The following CDK5 variants were observed in gnomAD, a reference collection of about 807,000 sequenced individuals.
CDK5 encodes cyclin dependent kinase 5, also known as cyclin-dependent kinase 5.
In CDK5, 18 loss-of-function variants were observed where a neutral mutation model predicts 44.6. The observed-to-expected ratio is 0.40, with a 90% CI of 0.28 to 0.60. The LOEUF is 0.60. CDK5 is among the 20% of genes least tolerant of loss of function. CDK5 has a pLI of 0.38. For synonymous variants in CDK5, 143 were observed against 152.8 expected (o/e 0.94, Z 0.47); for missense variants, 198 against 368.1 (o/e 0.54, Z 3.78).
Position 151,054,802 on chromosome 7 carries a change from C to A in CDK5, c.650+225G>T, listed in dbSNP as rs1295358002. Among the ~76,000 whole-genome samples, 1 of 152,170 alleles carries A rather than the reference C, an allele frequency of 6.6e-6. No individual in the cohort carries two copies. The highest frequency in any genetic ancestry group is 1.5e-5 in the Non-Finnish European group (1 of 68,022). ...CTGGAGGGACACCCTCTCGGCTTCA[C>A]CCCTCAGGGCACGCTGCCTGTCTCC... is the stretch of plus-strand genomic sequence containing the variant. On this transcript the variant is annotated intron_variant, in intron 9 of 11. Transcript: ENST00000485972. This position sits in a 1 kb window ranked among gnomAD's most constrained non-coding sequence, Gnocchi z 5.7.
At position 151,057,536 on chromosome 7, in the gene CDK5, A is replaced by G; in HGVS notation, c.37+276T>C. The G allele has an allele frequency of 1.7e-6, 1 of 602,056 alleles. No individual in the cohort carries two copies. The highest frequency in any genetic ancestry group is 2.9e-6 in the Non-Finnish European group (1 of 338,994). The allele number at this position is 602,056 out of a possible 1,614,324, so 37.3% of individuals were successfully genotyped here. The stretch of plus-strand genomic sequence containing the variant: ...CTGGGGGTCGGGGTGAGGTTGTCCA[A>G]GTGCTGCTGAGGCTGGGGTGAGAAA... On this transcript the variant is annotated intron_variant, in intron 1 of 11. Transcript: ENST00000485972. This position sits in a 1 kb window ranked among gnomAD's most constrained non-coding sequence, Gnocchi z 5.2.
In CDK5 at chr7:151,056,024, A is replaced by G. The variant is rs531995682; in HGVS notation, c.313-176T>C. ...GGACCTGCTTTATACTGTGCTAGGC[A>G]TTAGAGGGACCAAAGTAAAGAAGCT... is the stretch of plus-strand genomic sequence containing the variant. On this transcript the variant is annotated intron_variant, in intron 5 of 11. Coordinates refer to ENST00000485972, the MANE Select transcript of CDK5 (RefSeq NM_004935.4). The surrounding 1 kb of genome is among the most constrained non-coding windows in gnomAD (Gnocchi z 4.7). 1.5e-5 allele frequency: 9 copies of G among 598,380 alleles called. No individual in the cohort carries two copies. The highest frequency in any genetic ancestry group is 4.1e-4 in the Middle Eastern group (1 of 2,428). 37.1% of individuals were successfully genotyped at this position (598,380 alleles called of 1,614,324 possible).
chr7:151,055,498 C>T (rs768440599), intron 7 of CDK5, 34 bp downstream of exon 7: 1 of 1,593,994 alleles, frequency 6.3e-7, no homozygotes, highest in South Asian at 1.1e-5. Flanking sequence ...GAGGGACTCC[C>T]TCCCCCAATC....
rs746360978 is a variant in CDK5 at position 151,057,028 on chromosome 7, C to T, written c.126+44G>A. The T allele has an allele frequency of 7.8e-5, 125 of 1,610,692 alleles. No homozygotes were observed. The South Asian group carries it at 1.3e-3, about 17-fold the overall frequency. On this transcript the variant is annotated intron_variant, in intron 2 of 11. Coordinates refer to ENST00000485972, the MANE Select transcript of CDK5 (RefSeq NM_004935.4). The surrounding 1 kb of genome is among the most constrained non-coding windows in gnomAD (Gnocchi z 5.2). ...GCAGTCAGATCCCACCCAGCCCAGGCCCTCAAACCCCTCCCCAGGCCGTAT... is the reference window on the plus strand; with the variant it reads ...GCAGTCAGATCCCACCCAGCCCAGGTCCTCAAACCCCTCCCCAGGCCGTAT...
chr7:151,056,569 A>T lies in CDK5; in HGVS notation c.312+11T>A. 6.2e-7 allele frequency: 1 copy of T among 1,608,540 alleles called. No homozygotes were observed. The highest frequency in any genetic ancestry group is 8.5e-7 in the Non-Finnish European group (1 of 1,177,268). On this transcript the variant is annotated intron_variant, in intron 5 of 11. Transcript: ENST00000485972. This position sits in a 1 kb window ranked among gnomAD's most constrained non-coding sequence, Gnocchi z 4.7. ...CCAGCCTGAGGGGTCCCCCAACACC[A>T]CTCTCCTCACCTTTACAATCTCAGG...
Position 151,054,585 on chromosome 7 carries a change from T to A in CDK5, c.651-120A>T. The A allele has an allele frequency of 3.2e-6, 3 of 937,400 alleles. No individual in the cohort carries two copies. Among genetic ancestry groups the A allele is most frequent in the Non-Finnish European group, 4.8e-6 (3 of 627,228 alleles). The allele number at this position is 937,400 out of a possible 1,614,324, so 58.1% of individuals were successfully genotyped here. On this transcript the variant is annotated intron_variant, in intron 9 of 11. Coordinates refer to ENST00000485972, the MANE Select transcript of CDK5 (RefSeq NM_004935.4). This position sits in a 1 kb window ranked among gnomAD's most constrained non-coding sequence, Gnocchi z 5.7. ...CATACCCACCGCCCACTTCTCACCC[T>A]CCCTTTACCCTCCGGCTTGAGCTTG...
Position 151,056,516 on chromosome 7 carries a change from G to A in CDK5, c.312+64C>T, listed in dbSNP as rs1408643648. ...AGGGCCCAAACTTAGAGCCCAAGGG[G>A]TGCTTACACCGAATGCAGACTCCGA... On this transcript the variant is annotated intron_variant, in intron 5 of 11. Coordinates refer to ENST00000485972, the MANE Select transcript of CDK5 (RefSeq NM_004935.4). This position sits in a 1 kb window ranked among gnomAD's most constrained non-coding sequence, Gnocchi z 4.7. 3.4e-6 allele frequency: 5 copies of A among 1,451,712 alleles called. No homozygotes were observed. The allele number at this position is 1,451,712 out of a possible 1,614,324, so 89.9% of individuals were successfully genotyped here.
At position 151,055,529 on chromosome 7, in the gene CDK5, C is replaced by T; in HGVS notation, c.483+3G>A. On this transcript the variant is annotated splice_donor_region_variant and intron_variant, in intron 7 of 11. Coordinates refer to ENST00000485972, the MANE Select transcript of CDK5 (RefSeq NM_004935.4). ...CAATCCCATATCCCATCTTCTAGCTCACCTCAGCTGAGTAACAGCGGACGG... is the reference window on the plus strand; with the variant it reads ...CAATCCCATATCCCATCTTCTAGCTTACCTCAGCTGAGTAACAGCGGACGG... The T allele has an allele frequency of 6.2e-7, 1 of 1,613,530 alleles. No homozygotes were observed. The highest frequency in any genetic ancestry group is 8.5e-7 in the Non-Finnish European group (1 of 1,179,632).
chr7:151,056,231 C>G lies in CDK5; in HGVS notation c.312+349G>C, dbSNP rs984552186. On this transcript the variant is annotated intron_variant, in intron 5 of 11. Coordinates refer to ENST00000485972, the MANE Select transcript of CDK5 (RefSeq NM_004935.4). The surrounding 1 kb of genome is among the most constrained non-coding windows in gnomAD (Gnocchi z 4.7). Reference sequence around the variant, plus strand: ...TCATTCAGGACTGGCTCCCCTGGAACCTGGACCAAGGCATTTGGTCTTGGG... The same window carrying G: ...TCATTCAGGACTGGCTCCCCTGGAAGCTGGACCAAGGCATTTGGTCTTGGG... 14 of 520,158 alleles carry G rather than the reference C, an allele frequency of 2.7e-5. No individual in the cohort carries two copies. Among genetic ancestry groups the G allele is most frequent in the African/African-American group, 2.7e-4 (14 of 52,602 alleles). The allele number at this position is 520,158 out of a possible 1,614,324, so 32.2% of individuals were successfully genotyped here. A position where few individuals can be genotyped will look rare whatever the true frequency, so the allele number is the denominator to read the frequency against.
In CDK5 at chr7:151,057,012, TCC is replaced by T; in HGVS notation, c.127-39_127-38del. 6.2e-7 allele frequency: 1 copy of T among 1,613,170 alleles called. No homozygotes were observed. Among genetic ancestry groups the T allele is most frequent in the Non-Finnish European group, 8.5e-7 (1 of 1,179,374 alleles). On this transcript the variant is annotated intron_variant, in intron 2 of 11. Coordinates refer to ENST00000485972, the MANE Select transcript of CDK5 (RefSeq NM_004935.4). This position sits in a 1 kb window ranked among gnomAD's most constrained non-coding sequence, Gnocchi z 5.2. ...AGGGGGCCGGTGGGCAGCAGTCAGA[TCC>T]CACCCAGCCCAGGCCCTCAAACCCC...
chr7:151,056,434 C>G lies in CDK5; in HGVS notation c.312+146G>C. 2.9e-6 allele frequency: 2 copies of G among 695,752 alleles called. No individual in the cohort carries two copies. Among genetic ancestry groups the G allele is most frequent in the South Asian group, 3.4e-5 (2 of 59,282 alleles). 43.1% of individuals were successfully genotyped at this position (695,752 alleles called of 1,614,324 possible). Reference sequence around the variant, plus strand: ...AAAATGCTCACTAAGACTGGAGACCCCTGGAGGACAGAAACAGGGTTTTCT... The same window carrying G: ...AAAATGCTCACTAAGACTGGAGACCGCTGGAGGACAGAAACAGGGTTTTCT... On this transcript the variant is annotated intron_variant, in intron 5 of 11. Transcript: ENST00000485972. This position sits in a 1 kb window ranked among gnomAD's most constrained non-coding sequence, Gnocchi z 4.7.
In CDK5 at chr7:151,056,165, A is replaced by G; in HGVS notation, c.313-317T>C. On this transcript the variant is annotated intron_variant, in intron 5 of 11. Transcript: ENST00000485972. The surrounding 1 kb of genome is among the most constrained non-coding windows in gnomAD (Gnocchi z 4.7). ...CTTCCCTTCCTGGCCGCATCTGAGTATGCACGCCGTGAACATCAACATAAA... is the reference window on the plus strand; with the variant it reads ...CTTCCCTTCCTGGCCGCATCTGAGTGTGCACGCCGTGAACATCAACATAAA... The G allele has an allele frequency of 3.9e-6, 2 of 515,804 alleles. No homozygotes were observed. The highest frequency in any genetic ancestry group is 3.2e-5 in the East Asian group (1 of 31,642). 32.0% of individuals were successfully genotyped at this position (515,804 alleles called of 1,614,324 possible).
In CDK5 at chr7:151,054,074, C is replaced by G; in HGVS notation, c.814G>C (p.Val272Leu). Residue 272 changes from valine (V) to leucine (L), a missense_variant, in exon 12 of 12, where the codon GTC becomes CTC. Physicochemically the swap from Val to Leu is conservative, Grantham distance 32. Transcript: ENST00000485972. This position sits in a 1 kb window ranked among gnomAD's most constrained non-coding sequence, Gnocchi z 5.7. ...GCCTCTTCTGCTGAGATACGCTGGA[C>G]AGGGTTACACTTCAGAAGGTTCTGG... is the stretch of plus-strand genomic sequence containing the variant. The part of the protein sequence containing the change: ...LLQNLLKCNP[V>L]QRISAEEALQ... 6.2e-7 allele frequency: 1 copy of G among 1,601,990 alleles called. No homozygotes were observed. Among genetic ancestry groups the G allele is most frequent in the East Asian group, 2.3e-5 (1 of 44,358 alleles).
Position 151,054,637 on chromosome 7 carries a change from C to A in CDK5, c.651-172G>T, listed in dbSNP as rs2069458. Among the ~76,000 whole-genome samples the A allele has an allele frequency of 1.3e-5, 2 of 152,162 alleles. No homozygotes were observed. The highest frequency in any genetic ancestry group is 4.8e-5 in the African/African-American group (2 of 41,420). On this transcript the variant is annotated intron_variant, in intron 9 of 11. Coordinates refer to ENST00000485972, the MANE Select transcript of CDK5 (RefSeq NM_004935.4). This position sits in a 1 kb window ranked among gnomAD's most constrained non-coding sequence, Gnocchi z 5.7. ...CAGAAGCAGCCCCAGGCAGGTCACTCGCATATCCAGCCACGTTTCCCATGA... is the reference window on the plus strand; with the variant it reads ...CAGAAGCAGCCCCAGGCAGGTCACTAGCATATCCAGCCACGTTTCCCATGA...
Position 151,056,476 on chromosome 7 carries a change from A to T in CDK5, c.312+104T>A. 1.0e-6 allele frequency: 1 copy of T among 959,452 alleles called. No individual in the cohort carries two copies. The highest frequency in any genetic ancestry group is 1.6e-6 in the Non-Finnish European group (1 of 606,348). 59.4% of individuals were successfully genotyped at this position (959,452 alleles called of 1,614,324 possible). On this transcript the variant is annotated intron_variant, in intron 5 of 11. Coordinates refer to ENST00000485972, the MANE Select transcript of CDK5 (RefSeq NM_004935.4). This position sits in a 1 kb window ranked among gnomAD's most constrained non-coding sequence, Gnocchi z 4.7. ...GGGTTTTCTCATTCTCTAACACCCTAGAGTGTCCCTGTTCAGGGCCCAAAC... is the reference window on the plus strand; with the variant it reads ...GGGTTTTCTCATTCTCTAACACCCTTGAGTGTCCCTGTTCAGGGCCCAAAC...
chr7:151,055,657 G>A, intron 6 of CDK5, 51 bp from the exon 7 acceptor site: 2 of 1,573,472 alleles, frequency 1.3e-6, no homozygotes, highest in Admixed American at 3.4e-5. Context: ...AAAGCCTTGG[G>A]ACAGCACCAA....
In CDK5 at chr7:151,054,984, T is replaced by C. The variant is rs749792320; in HGVS notation, c.650+43A>G. 1 of 1,600,312 alleles carries C rather than the reference T, an allele frequency of 6.2e-7. No individual in the cohort carries two copies. Among genetic ancestry groups the C allele is most frequent in the Non-Finnish European group, 8.6e-7 (1 of 1,167,992 alleles). On this transcript the variant is annotated intron_variant, in intron 9 of 11. Coordinates refer to ENST00000485972, the MANE Select transcript of CDK5 (RefSeq NM_004935.4). The surrounding 1 kb of genome is among the most constrained non-coding windows in gnomAD (Gnocchi z 5.7). ...CCATTGTGCTCAAAACTCCATGGAC[T>C]CTCCCCTCCCAGAGGGCTCAAGGCA...
Position 151,054,583 on chromosome 7 carries a change from C to T in CDK5, c.651-118G>A. Reference sequence around the variant, plus strand: ...CTCATACCCACCGCCCACTTCTCACCCTCCCTTTACCCTCCGGCTTGAGCT... The same window carrying T: ...CTCATACCCACCGCCCACTTCTCACTCTCCCTTTACCCTCCGGCTTGAGCT... On this transcript the variant is annotated intron_variant, in intron 9 of 11. Transcript: ENST00000485972. The surrounding 1 kb of genome is among the most constrained non-coding windows in gnomAD (Gnocchi z 5.7). The T allele has an allele frequency of 1.1e-6, 1 of 938,962 alleles. No individual in the cohort carries two copies. 58.2% of individuals were successfully genotyped at this position (938,962 alleles called of 1,614,324 possible). A position where few individuals can be genotyped will look rare whatever the true frequency, so the allele number is the denominator to read the frequency against.
chr7:151,056,468 A>G lies in CDK5; in HGVS notation c.312+112T>C. On this transcript the variant is annotated intron_variant, in intron 5 of 11. Coordinates refer to ENST00000485972, the MANE Select transcript of CDK5 (RefSeq NM_004935.4). This position sits in a 1 kb window ranked among gnomAD's most constrained non-coding sequence, Gnocchi z 4.7. ...CAGAAACAGGGTTTTCTCATTCTCTAACACCCTAGAGTGTCCCTGTTCAGG... is the reference window on the plus strand; with the variant it reads ...CAGAAACAGGGTTTTCTCATTCTCTGACACCCTAGAGTGTCCCTGTTCAGG... 1.1e-6 allele frequency: 1 copy of G among 908,698 alleles called. No individual in the cohort carries two copies. The highest frequency in any genetic ancestry group is 1.6e-5 in the African/African-American group (1 of 60,614). The allele number at this position is 908,698 out of a possible 1,614,324, so 56.3% of individuals were successfully genotyped here.
Sources: gnomAD v4.1 joint callset for allele counts (sites outside exome capture counted in the v4.1 genomes callset) on GRCh38, gnomAD v4.1.1 for gene constraint, Gnocchi (gnomAD v3.1) non-coding constraint, MANE v1.5 for transcripts, NCBI Gene and HGNC (gene_info 2026-07-23, HGNC 2026-07-21) for gene names.